Variants in CYTIP observed in about 807,000 individuals in gnomAD.
CYTIP encodes cytohesin-interacting protein.
A neutral mutation model predicts 43.8 loss-of-function variants in CYTIP; 26 were observed. The ratio of observed to expected loss-of-function variants is 0.59; its 90% confidence interval spans 0.44 to 0.82. The LOEUF is 0.82. Among genes scored for constraint, CYTIP ranks in the 40% least tolerant of loss-of-function variants. The probability of loss-of-function intolerance (pLI) is 0.00; values close to 1 mark genes in which losing one functional copy is unlikely to be tolerated. For synonymous variants in CYTIP, 162 were observed against 162.9 expected (o/e 0.99, Z 0.04); for missense variants, 426 against 443.1 (o/e 0.96, Z 0.35).
intron 1 of CYTIP, among the ~76,000 whole-genome samples, chr2:157,436,935 A>G (rs1277592322): frequency 2.0e-5 from 3 of 152,178 alleles, no homozygotes; most frequent in Non-Finnish European, 4.4e-5. Flanking sequence ...AAAATACATA[A>G]AGTAAAATTT....
In CYTIP at chr2:157,434,398, T is replaced by C; in HGVS notation, c.251A>G (p.Asp84Gly). The change falls in exon 3 of 8, where the codon GAT (aspartate) becomes GGT (glycine). Residue 84 changes from aspartate (D) to glycine (G), a missense_variant. Physicochemically the swap from Asp to Gly is moderately conservative, Grantham distance 94. Transcript: ENST00000264192. ...AATTTCAAATCCAAATGTTTCATTA[T>C]CCTGCTTCTCCACAGTAACAAGCTT... ...QRKLVTVEKQ[D>G]NETFGFEIQS... 1 of 1,613,140 alleles carries C rather than the reference T, an allele frequency of 6.2e-7. No individual in the cohort carries two copies. Among genetic ancestry groups the C allele is most frequent in the Non-Finnish European group, 8.5e-7 (1 of 1,179,460 alleles).
chr2:157,422,255 C>T (rs1685532933), intron 6 of CYTIP, among the ~76,000 whole-genome samples: 1 of 152,148 alleles, frequency 6.6e-6, no homozygotes, highest in African/African-American at 2.4e-5. Flanking sequence ...AAGGGAGAGG[C>T]TATATGCCAT....
chr2:157,433,026 A>G (rs155610), intron 3 of CYTIP, among the ~76,000 whole-genome samples: 120,067 of 152,098 alleles, frequency 0.79, 49,030 homozygotes, highest in Middle Eastern at 0.91. Flanking sequence ...TCCACGGAGA[A>G]TAAGTGTTTA....
At chr2:157,436,879 C>G (rs556374947) in intron 1 of CYTIP, among the ~76,000 whole-genome samples, 1 of 152,126 alleles carries the variant, frequency 6.6e-6, no homozygotes, top group African/African-American at 2.4e-5. Flanking sequence ...TCAACATTGT[C>G]CTTTATTAAA....
chr2:157,422,666 G>A (rs1235269387), intron 6 of CYTIP, among the ~76,000 whole-genome samples: 13 of 130,472 alleles, frequency 1.0e-4, no homozygotes, highest in African/African-American at 3.7e-4. Flanking sequence ...GCGAAACTCT[G>A]TCTCAAAAAA....
intron 7 of CYTIP, among the ~76,000 whole-genome samples, chr2:157,417,279 C>T (rs926898804): frequency 2.0e-5 from 3 of 152,150 alleles, no homozygotes; most frequent in Admixed American, 2.0e-4. Context: ...TGATGAATTT[C>T]TTTTGATTGG....
rs1277021613 is a variant in CYTIP, at chr2:157,414,881, C to T, written c.*796G>A. 2 of 152,230 alleles carry T rather than the reference C, an allele frequency of 1.3e-5. No individual in the cohort carries two copies. Among genetic ancestry groups the T allele is most frequent in the Non-Finnish European group, 2.9e-5 (2 of 68,012 alleles). 9.4% of individuals were successfully genotyped at this position (152,230 alleles called of 1,614,324 possible). A position where few individuals can be genotyped will look rare whatever the true frequency, so the allele number is the denominator to read the frequency against. On this transcript the variant is annotated 3_prime_UTR_variant, in exon 8 of 8. Coordinates refer to ENST00000264192, the MANE Select transcript of CYTIP (RefSeq NM_004288.5). ...TACAGGAGGGAAGTCCTTTTCCCAA[C>T]CCTCAGTTTTGGATGTTAGACATTT...
At position 157,418,540 on chromosome 2, in the gene CYTIP, T is replaced by A; in HGVS notation, c.596A>T (p.Glu199Val). 6.3e-7 allele frequency: 1 copy of A among 1,597,010 alleles called. No individual in the cohort carries two copies. The highest frequency in any genetic ancestry group is 8.5e-7 in the Non-Finnish European group (1 of 1,171,904). ...WVEYRSLQLQ[E>V]HRLLHGDAAN... ...GCATTTACCATGAAGCAGACGATGT[T>A]CCTGTAACTGCAGAGATCTGTACTC... Residue 199 changes from glutamate (E) to valine (V), a missense_variant, in exon 7 of 8, where the codon GAA (glutamate) becomes GTA (valine). Coordinates refer to ENST00000264192, the MANE Select transcript of CYTIP (RefSeq NM_004288.5).
rs938581037 is a variant in CYTIP, at chr2:157,415,709, G to A, written c.1048C>T (p.Arg350Cys). The A allele has an allele frequency of 3.1e-6, 5 of 1,612,940 alleles. No homozygotes were observed. The highest frequency in any genetic ancestry group is 4.2e-6 in the Non-Finnish European group (5 of 1,179,160). ...QLLKFIPGLH[R>C]AVEEEESRF ...CGACTTTCTTCCTCTTCCACAGCAC[G>A]ATGAAGGCCAGGGATAAATTTCAAG... Residue 350 changes from arginine to cysteine, a missense_variant, in exon 8 of 8, where the codon CGT becomes TGT. Arg to Cys is a radical substitution (Grantham distance 180, BLOSUM62 -3). Transcript: ENST00000264192.
At chr2:157,419,952 A>C (rs62175243) in intron 6 of CYTIP, among the ~76,000 whole-genome samples, 3,757 of 152,358 alleles carry the variant, frequency 0.025, 65 homozygotes, top group Non-Finnish European at 0.039. Context: ...ATGGTTGCCA[A>C]TATAAAATCG....
intron 6 of CYTIP, among the ~76,000 whole-genome samples, chr2:157,422,289 C>A (rs565620872): frequency 6.6e-6 from 1 of 152,242 alleles, no homozygotes; most frequent in East Asian, 1.9e-4. Context: ...GCAATCTAAA[C>A]CTCCAAACAC....
At chr2:157,417,789 T>C (rs1230206321) in intron 7 of CYTIP, among the ~76,000 whole-genome samples, 1 of 152,098 alleles carries the variant, frequency 6.6e-6, no homozygotes, top group Non-Finnish European at 1.5e-5. Context: ...GGTAAACAAA[T>C]TGATTATCAC....
intron 3 of CYTIP, chr2:157,434,162 C>A: frequency 3.3e-6 from 2 of 601,750 alleles, no homozygotes. Context: ...CTGAGCATAT[C>A]GCAGAGGTTT....
At chr2:157,434,849 T>TCTCTCTCC (rs1256043480) in intron 1 of CYTIP, 102 bp from the exon 2 acceptor site, 1 of 47,352 alleles carries the variant, frequency 2.1e-5, no homozygotes, top group Non-Finnish European at 4.1e-5. Flanking sequence ...TCTCTCTCTC[T>TCTCTCTCC]CACACACACA....
intron 6 of CYTIP, among the ~76,000 whole-genome samples, chr2:157,420,496 A>G (rs1318758816): frequency 6.6e-6 from 1 of 152,128 alleles, no homozygotes; most frequent in Non-Finnish European, 1.5e-5. Context: ...ACCCCAGGCA[A>G]CAAGAGCAAA....
At chr2:157,416,935 T>C (rs911107312) in intron 7 of CYTIP, among the ~76,000 whole-genome samples, 3 of 151,910 alleles carry the variant, frequency 2.0e-5, no homozygotes, top group African/African-American at 4.8e-5. Context: ...CCCTCCCTGC[T>C]TCCACACTAA....
In CYTIP at chr2:157,414,882, C is replaced by T; in HGVS notation, c.*795G>A. ...ACAGGAGGGAAGTCCTTTTCCCAACCCTCAGTTTTGGATGTTAGACATTTG... is the reference window on the plus strand; with the variant it reads ...ACAGGAGGGAAGTCCTTTTCCCAACTCTCAGTTTTGGATGTTAGACATTTG... On this transcript the variant is annotated 3_prime_UTR_variant, in exon 8 of 8. Coordinates refer to ENST00000264192, the MANE Select transcript of CYTIP (RefSeq NM_004288.5). 6.6e-6 allele frequency: 1 copy of T among 151,984 alleles called. No homozygotes were observed. 9.4% of individuals were successfully genotyped at this position (151,984 alleles called of 1,614,324 possible).
intron 5 of CYTIP, among the ~76,000 whole-genome samples, chr2:157,429,219 CA>C (rs1685659623): frequency 6.6e-6 from 1 of 152,156 alleles, no homozygotes; most frequent in Non-Finnish European, 1.5e-5. Context: ...CATCAAATAC[CA>C]ATTATACTGT....
intron 1 of CYTIP, among the ~76,000 whole-genome samples, chr2:157,436,431 G>A (rs561159738): frequency 1.3e-5 from 2 of 151,860 alleles, no homozygotes; most frequent in South Asian, 2.1e-4. Context: ...CTTGTTTTCC[G>A]CCCTTAAGCC....
Sources: gnomAD v4.1 joint callset for allele counts (sites outside exome capture counted in the v4.1 genomes callset) on GRCh38, gnomAD v4.1.1 for gene constraint, MANE v1.5 for transcripts, NCBI Gene and HGNC (gene_info 2026-07-23, HGNC 2026-07-21) for gene names.